NCOR1: variants seen among roughly 807,000 people sequenced by gnomAD.
NCOR1 encodes the protein nuclear receptor corepressor 1.
Under a neutral mutation model 288.1 loss-of-function variants are expected in NCOR1, and 63 were observed. The ratio of observed to expected loss-of-function variants is 0.22; its 90% confidence interval spans 0.18 to 0.27. NCOR1 has a LOEUF of 0.27. Among genes scored for constraint, NCOR1 ranks in the 10% least tolerant of loss-of-function variants. NCOR1 has a pLI of 1.00. For synonymous variants in NCOR1, 1,007 were observed against 1,065.9 expected (o/e 0.94, Z 1.08); for missense variants, 2,397 against 3,019.2 (o/e 0.79, Z 4.83).
chr17:16,103,312 A>G (rs2067968314), intron 19 of NCOR1, among the ~76,000 whole-genome samples: 1 of 152,206 alleles, frequency 6.6e-6, no homozygotes, highest in African/African-American at 2.4e-5. Flanking sequence ...TCTTGAATCT[A>G]TCCAATCCTG....
intron 3 of NCOR1, among the ~76,000 whole-genome samples, chr17:16,181,089 G>A (rs1309091611): frequency 6.6e-6 from 1 of 152,124 alleles, no homozygotes; most frequent in Non-Finnish European, 1.5e-5. Context: ...AACCCAGGAG[G>A]TGGAGGTTGC....
intron 18 of NCOR1, among the ~76,000 whole-genome samples, chr17:16,114,952 C>G (rs2153099958): frequency 6.6e-6 from 1 of 152,282 alleles, no homozygotes; most frequent in Admixed American, 6.5e-5. Flanking sequence ...CATTTCCCTT[C>G]TGCACTGCCC....
chr17:16,105,049 G>T (rs1262658654), intron 19 of NCOR1, among the ~76,000 whole-genome samples: 3 of 152,190 alleles, frequency 2.0e-5, no homozygotes. Context: ...CAAAAAAGCA[G>T]CTGGCAGAAA....
chr17:16,101,254 G>C lies in NCOR1; in HGVS notation c.2686C>G (p.Gln896Glu). 1 of 1,587,012 alleles carries C rather than the reference G, an allele frequency of 6.3e-7. No homozygotes were observed. Among genetic ancestry groups the C allele is most frequent in the Non-Finnish European group, 8.6e-7 (1 of 1,166,874 alleles). The change falls in exon 20 of 46, where the codon CAG (glutamine) becomes GAG (glutamate). Residue 896 changes from glutamine to glutamate, a missense_variant. Gln to Glu is a conservative substitution (Grantham distance 29). Coordinates refer to ENST00000268712, the MANE Select transcript of NCOR1 (RefSeq NM_006311.4). ...DEDVDGEPER[Q>E]RMFPMDSKPS... The stretch of plus-strand genomic sequence containing the variant: ...GACTTATGGAACGAGCCTCACCTCT[G>C]CCTCTCTGGCTCTCCATCCACATCC...
intron 41 of NCOR1, 74 bp from the exon 42 acceptor site, chr17:16,047,167 A>G (rs1173070456): frequency 2.8e-6 from 4 of 1,453,772 alleles, no homozygotes; most frequent in Non-Finnish European, 3.7e-6. Context: ...AATGATAACA[A>G]CAGTCAGAGA....
At chr17:16,185,386 T>TA (rs1010700433) in intron 3 of NCOR1, among the ~76,000 whole-genome samples, 1,561 of 148,716 alleles carry the variant, frequency 0.01, 17 homozygotes, top group African/African-American at 0.027. Flanking sequence ...ACACACAATT[T>TA]AAAAAAAAAA....
At chr17:16,070,922 G>A (rs2061677123) in intron 30 of NCOR1, among the ~76,000 whole-genome samples, 1 of 152,014 alleles carries the variant, frequency 6.6e-6, no homozygotes, top group Non-Finnish European at 1.5e-5. Flanking sequence ...TCAGCTACTC[G>A]GGAGGCTGGG....
chr17:16,063,510 C>G (rs532131289), intron 35 of NCOR1, among the ~76,000 whole-genome samples: 1 of 152,192 alleles, frequency 6.6e-6, no homozygotes, highest in South Asian at 2.1e-4. Context: ...GGGATATATT[C>G]CTAGACGTGG....
At chr17:16,107,749 C>T (rs1300078371) in intron 19 of NCOR1, among the ~76,000 whole-genome samples, 1 of 152,180 alleles carries the variant, frequency 6.6e-6, no homozygotes, top group East Asian at 1.9e-4. Flanking sequence ...GTTTGCAGCA[C>T]TCTTACCCTA....
At chr17:16,175,324 C>T (rs1192368762) in intron 3 of NCOR1, among the ~76,000 whole-genome samples, 1 of 151,644 alleles carries the variant, frequency 6.6e-6, no homozygotes, top group Non-Finnish European at 1.5e-5. Flanking sequence ...AAGATCACGC[C>T]ACTGCACAAC....
rs2061332378 is a variant in NCOR1, at chr17:16,068,066, A to G, written c.4569T>C (p.Pro1523=). Reference sequence around the variant, plus strand: ...TCGCTGGGATACTTTCCCTCTGGGTAGGGGTCAGTGTCGATTTCCTTTCAT... The same window carrying G: ...TCGCTGGGATACTTTCCCTCTGGGTGGGGGTCAGTGTCGATTTCCTTTCAT... ...TNHERKSTLT[P]TQRESIPAKS... The change falls in exon 32 of 46, where the codon CCT becomes CCC. Residue 1523 remains proline, a synonymous_variant. Transcript: ENST00000268712. The G allele has an allele frequency of 6.2e-7, 1 of 1,614,014 alleles. No homozygotes were observed. The highest frequency in any genetic ancestry group is 1.3e-5 in the African/African-American group (1 of 74,930).
chr17:16,097,220 C>CA (rs2066796979), intron 21 of NCOR1, among the ~76,000 whole-genome samples: 1 of 152,138 alleles, frequency 6.6e-6, no homozygotes, highest in South Asian at 2.1e-4. Flanking sequence ...GCTGACAGCC[C>CA]AAAAAACCAC....
At chr17:16,099,795 T>C (rs1004279684) in intron 20 of NCOR1, among the ~76,000 whole-genome samples, 10 of 152,186 alleles carry the variant, frequency 6.6e-5, no homozygotes, top group South Asian at 2.1e-4. Flanking sequence ...AAAAGAGTGA[T>C]AGTCAAATTT....
At chr17:16,081,945 A>C (rs2063474549) in intron 23 of NCOR1, among the ~76,000 whole-genome samples, 1 of 152,244 alleles carries the variant, frequency 6.6e-6, no homozygotes, top group African/African-American at 2.4e-5. Context: ...GCTGCCCTTA[A>C]GGCTCTGCAC....
Position 16,032,254 on chromosome 17 carries a change from G to C in NCOR1, c.*42C>G. On this transcript the variant is annotated 3_prime_UTR_variant, in exon 46 of 46. Coordinates refer to ENST00000268712, the MANE Select transcript of NCOR1 (RefSeq NM_006311.4). ...ACTAAAAATTAAACCACAAAAACTA[G>C]AGATCCCTCTCCTGCACCCTGTTCC... 6.6e-7 allele frequency: 1 copy of C among 1,518,690 alleles called. No homozygotes were observed. Among genetic ancestry groups the C allele is most frequent in the East Asian group, 2.5e-5 (1 of 39,226 alleles). 94.1% of individuals were successfully genotyped at this position (1,518,690 alleles called of 1,614,324 possible). A position where few individuals can be genotyped will look rare whatever the true frequency, so the allele number is the denominator to read the frequency against.
At position 16,051,926 on chromosome 17, in the gene NCOR1, TAAATA is replaced by T. The variant is rs1281346879; in HGVS notation, c.6393-2943_6393-2939del. On this transcript the variant is annotated intron_variant, in intron 40 of 45. Transcript: ENST00000268712. ...AACTCCTTCTCAAAAAATAAATAAA[TAAATA>T]AAATAAACAAAACGGAAGCTGAACT... Among the ~76,000 whole-genome samples the T allele has an allele frequency of 2.6e-5, 4 of 151,760 alleles. 1 individual carries two copies. Among genetic ancestry groups the T allele is most frequent in the Admixed American group, 2.0e-4 (3 of 15,234 alleles).
Position 16,071,658 on chromosome 17 carries a change from T to C in NCOR1, c.3903A>G (p.Pro1301=), listed in dbSNP as rs1335577578. 1.2e-5 allele frequency: 20 copies of C among 1,609,928 alleles called. No individual in the cohort carries two copies. The highest frequency in any genetic ancestry group is 1.3e-5 in the African/African-American group (1 of 74,510). The change falls in exon 30 of 46, where the codon CCA becomes CCG. Residue 1301 remains proline, a synonymous_variant. Coordinates refer to ENST00000268712, the MANE Select transcript of NCOR1 (RefSeq NM_006311.4). The part of the protein sequence containing the change: ...VLSGSIMQGT[P]RATTESFEDG... Reference sequence around the variant, plus strand: ...CTTCAAAGCTTTCAGTTGTTGCTCTTGGTGTCCCTTGAAAAAGAATTCAGG... The same window carrying C: ...CTTCAAAGCTTTCAGTTGTTGCTCTCGGTGTCCCTTGAAAAAGAATTCAGG...
At chr17:16,100,705 C>G (rs2067462663) in intron 20 of NCOR1, among the ~76,000 whole-genome samples, 1 of 152,194 alleles carries the variant, frequency 6.6e-6, no homozygotes, top group Non-Finnish European at 1.5e-5. Context: ...CAAATATGAA[C>G]AATCTAAAAT....
At chr17:16,137,862 G>A (rs2076641520) in intron 13 of NCOR1, 2 of 313,936 alleles carry the variant, frequency 6.4e-6, no homozygotes, top group Non-Finnish European at 1.1e-5. Context: ...ATGTGCTGCT[G>A]AAGCGAGCAC....
Sources: allele counts gnomAD v4.1 joint callset (sites outside exome capture counted in the v4.1 genomes callset), GRCh38; gene constraint gnomAD v4.1.1; transcripts MANE v1.5; gene names NCBI Gene and HGNC (gene_info 2026-07-23, HGNC 2026-07-21).